The following HSPG2 variants were observed in gnomAD, a reference collection of about 807,000 sequenced individuals.
HSPG2 encodes heparan sulfate proteoglycan 2.
HSPG2 carries 278 observed loss-of-function variants against 526.6 expected under a neutral mutation model. The observed-to-expected ratio is 0.53, with a 90% CI of 0.48 to 0.58. The LOEUF (loss-of-function observed/expected upper bound fraction) is 0.58. Among genes scored for constraint, HSPG2 ranks in the 20% least tolerant of loss-of-function variants. The pLI is 0.00. For missense variants in HSPG2, 5,354 were observed against 6,099.5 expected (o/e 0.88, Z 4.07); for synonymous variants, 2,465 against 2,555.4 (o/e 0.96, Z 1.07).
intron 65 of HSPG2, 112 bp from the exon 66 acceptor site, chr1:21,843,550 T>C (rs1040027450): frequency 8.7e-7 from 1 of 1,147,494 alleles, no homozygotes; most frequent in African/African-American, 1.5e-5. Context: ...GCGCATCCTG[T>C]TGGAGGCGAC....
intron 3 of HSPG2, among the ~76,000 whole-genome samples, chr1:21,891,442 G>T (rs1321918360): frequency 6.6e-6 from 1 of 152,198 alleles, no homozygotes; most frequent in African/African-American, 2.4e-5. Context: ...AATCGAAGCT[G>T]CTGTGGTCCT....
chr1:21,878,718 T>G, intron 18 of HSPG2, 55 bp from the exon 19 acceptor site: 1 of 1,504,326 alleles, frequency 6.6e-7, no homozygotes, highest in Non-Finnish European at 9.3e-7. Flanking sequence ...GGCTTTCTCC[T>G]CCCACCCTGG....
At chr1:21,935,936 T>C (rs1305573334) in intron 1 of HSPG2, among the ~76,000 whole-genome samples, 1 of 150,536 alleles carries the variant, frequency 6.6e-6, no homozygotes, top group Non-Finnish European at 1.5e-5. Context: ...GCAAGAGCAG[T>C]GAGGAGCCAG....
chr1:21,876,575 G>GCAGC lies in HSPG2; in HGVS notation c.2759_2762dup (p.Cys921TrpfsTer29). 6.2e-7 allele frequency: 1 copy of GCAGC among 1,614,238 alleles called. No individual in the cohort carries two copies. The highest frequency in any genetic ancestry group is 1.3e-5 in the African/African-American group (1 of 75,078). ...TGACACCCATGCAGAAGCACTTGAG[G>GCAGC]CAGCCATCGGGGTTTCGGGTACTCA... On this transcript the variant is annotated frameshift_variant, in exon 22 of 97. Transcript: ENST00000374695. LOFTEE classifies it high-confidence loss of function.
chr1:21,842,761 C>G lies in HSPG2; in HGVS notation c.8910+9G>C, dbSNP rs769759846. 3.7e-6 allele frequency: 6 copies of G among 1,612,788 alleles called. No individual in the cohort carries two copies. Among genetic ancestry groups the G allele is most frequent in the Non-Finnish European group, 5.1e-6 (6 of 1,180,030 alleles). On this transcript the variant is annotated intron_variant, in intron 67 of 96. Coordinates refer to ENST00000374695, the MANE Select transcript of HSPG2 (RefSeq NM_005529.7). ...TGACCTGGAATCCTCCCCATCCTGG[C>G]CCCTGTACCTGGTGCCGGGCGGGGA...
At chr1:21,866,159 G>C (rs1000752347) in intron 33 of HSPG2, among the ~76,000 whole-genome samples, 7 of 152,200 alleles carry the variant, frequency 4.6e-5, no homozygotes, top group African/African-American at 1.7e-4. Flanking sequence ...GACCACCATG[G>C]GGAGGCTGCG....
intron 1 of HSPG2, among the ~76,000 whole-genome samples, chr1:21,929,282 C>T (rs935384877): frequency 6.6e-6 from 1 of 152,228 alleles, no homozygotes; most frequent in Non-Finnish European, 1.5e-5. Context: ...TAAGCCAATG[C>T]AGAGGCCCCA....
At chr1:21,896,660 C>A (rs931073516) in intron 1 of HSPG2, among the ~76,000 whole-genome samples, 1 of 151,616 alleles carries the variant, frequency 6.6e-6, no homozygotes, top group African/African-American at 2.4e-5. Context: ...GGGATGCGGG[C>A]GGGTAAAGGG....
intron 67 of HSPG2, 103 bp from the exon 68 acceptor site, chr1:21,842,483 A>G (rs2098053027): frequency 7.5e-7 from 1 of 1,339,082 alleles, no homozygotes; most frequent in East Asian, 2.5e-5. Context: ...TCGGAAGCTC[A>G]GGGTCTCAGC....
intron 13 of HSPG2, among the ~76,000 whole-genome samples, chr1:21,883,812 G>A (rs1294102833): frequency 2.0e-5 from 3 of 152,232 alleles, no homozygotes; most frequent in African/African-American, 7.2e-5. Flanking sequence ...CTGAGCCCCA[G>A]TCCAGGCAGT....
chr1:21,830,870 G>C (rs1035655414), intron 85 of HSPG2, 112 bp downstream of exon 85: 8 of 711,478 alleles, frequency 1.1e-5, no homozygotes, highest in African/African-American at 3.5e-5. Flanking sequence ...GCTCAGGTGA[G>C]AGTGGGGGGT....
In HSPG2 at chr1:21,847,897, G is replaced by C. The variant is rs759646406; in HGVS notation, c.7874-57C>G. 2 of 1,613,550 alleles carry C rather than the reference G, an allele frequency of 1.2e-6. No individual in the cohort carries two copies. The highest frequency in any genetic ancestry group is 1.7e-5 in the Admixed American group (1 of 59,994). The stretch of plus-strand genomic sequence containing the variant: ...AGAGTGAGATAACAGTGATGGCACC[G>C]GGGACCTCTCTGCCACCCTCTGCGC... On this transcript the variant is annotated intron_variant, in intron 60 of 96. Coordinates refer to ENST00000374695, the MANE Select transcript of HSPG2 (RefSeq NM_005529.7). The surrounding 1 kb of genome is among the most constrained non-coding windows in gnomAD (Gnocchi z 4.1).
In HSPG2 at chr1:21,875,709, C is replaced by T. The variant is rs1427544804; in HGVS notation, c.3222G>A (p.Arg1074=). The change falls in exon 25 of 97, where the codon CGG becomes CGA. Residue 1074 remains arginine (R), a synonymous_variant. Coordinates refer to ENST00000374695, the MANE Select transcript of HSPG2 (RefSeq NM_005529.7). ...WQRPDGQPAT[R]EHLLMALAGI... ...CTGCCAGTGCCATCAGCAGGTGCTC[C>T]CGTGTGGCTGGCTGCCCATCGGGCC... is the stretch of plus-strand genomic sequence containing the variant. The T allele has an allele frequency of 1.9e-5, 31 of 1,604,780 alleles. No homozygotes were observed. The highest frequency in any genetic ancestry group is 2.6e-5 in the Non-Finnish European group (31 of 1,179,986).
Position 21,872,358 on chromosome 1 carries a change from G to A in HSPG2, c.4049C>T (p.Pro1350Leu). 6.4e-7 allele frequency: 1 copy of A among 1,574,632 alleles called. No homozygotes were observed. Among genetic ancestry groups the A allele is most frequent in the African/African-American group, 1.3e-5 (1 of 74,090 alleles). The change falls in exon 33 of 97, where the codon CCT becomes CTT. Residue 1350 changes from proline to leucine, a missense_variant. Physicochemically the swap from Pro to Leu is moderately conservative, Grantham distance 98. Transcript: ENST00000374695. This position sits in a 1 kb window ranked among gnomAD's most constrained non-coding sequence, Gnocchi z 5.5. ...CAGGGCAAAGCCTTGGAAGTCCCCA[G>A]GGGCAAAGTGGGTGGAGATCTGGCA... ...TRHLISTHFA[P>L]GDFQGFALVN...
At chr1:21,851,464 A>C in intron 55 of HSPG2, 82 bp downstream of exon 55, 1 of 1,597,096 alleles carries the variant, frequency 6.3e-7, no homozygotes, top group Admixed American at 1.7e-5. Context: ...ATCTCAGGGG[A>C]GCCTCTAGCC....
At chr1:21,830,344 G>T in intron 85 of HSPG2, 1 of 545,394 alleles carries the variant, frequency 1.8e-6, no homozygotes, top group Non-Finnish European at 3.3e-6. Context: ...GACAGTGTTG[G>T]AGGGGGAGCA....
Position 21,884,534 on chromosome 1 carries a change from A to G in HSPG2, c.1648T>C (p.Phe550Leu). 2.5e-6 allele frequency: 4 copies of G among 1,611,140 alleles called. No individual in the cohort carries two copies. Among genetic ancestry groups the G allele is most frequent in the Non-Finnish European group, 3.4e-6 (4 of 1,179,888 alleles). ...IRLRFDQPDD[F>L]KGVNVTMPAQ... ...CACCCGCCCGCCAACGCACCCTTGA[A>G]GTCATCGGGTTGGTCAAAGCGCAGC... The change falls in exon 13 of 97, where the codon TTC becomes CTC. Residue 550 changes from phenylalanine (F) to leucine (L), a missense_variant. Phe to Leu is a conservative substitution (Grantham distance 22, BLOSUM62 0). Coordinates refer to ENST00000374695, the MANE Select transcript of HSPG2 (RefSeq NM_005529.7).
chr1:21,865,197 G>T lies in HSPG2; in HGVS notation c.4395+88C>A. 3.3e-6 allele frequency: 5 copies of T among 1,517,864 alleles called. No homozygotes were observed. The highest frequency in any genetic ancestry group is 1.4e-5 in the African/African-American group (1 of 73,146). 94.0% of individuals were successfully genotyped at this position (1,517,864 alleles called of 1,614,324 possible). A position where few individuals can be genotyped will look rare whatever the true frequency, so the allele number is the denominator to read the frequency against. On this transcript the variant is annotated intron_variant, in intron 35 of 96. Coordinates refer to ENST00000374695, the MANE Select transcript of HSPG2 (RefSeq NM_005529.7). This position sits in a 1 kb window ranked among gnomAD's most constrained non-coding sequence, Gnocchi z 5.4. ...GGCTGCCAGGTGAAGGTTGGGGAGC[G>T]AGAGACAGGGTGGGTATCAAAGCCA...
intron 30 of HSPG2, 78 bp downstream of exon 30, chr1:21,873,297 G>T: frequency 6.6e-7 from 1 of 1,511,798 alleles, no homozygotes. Flanking sequence ...AGCCAAAGGG[G>T]AGTAAAGGCT....
Sources: gnomAD v4.1 joint callset for allele counts (sites outside exome capture counted in the v4.1 genomes callset) on GRCh38, gnomAD v4.1.1 for gene constraint, Gnocchi (gnomAD v3.1) non-coding constraint, MANE v1.5 for transcripts, NCBI Gene and HGNC (gene_info 2026-07-23, HGNC 2026-07-21) for gene names.